MCIDAS: variants seen among roughly 807,000 people sequenced by gnomAD.
The protein encoded by MCIDAS is multiciliate differentiation and DNA synthesis associated cell cycle protein.
Under a neutral mutation model 35.4 loss-of-function variants are expected in MCIDAS, and 23 were observed. That is an observed-to-expected ratio of 0.65 (90% CI 0.47 to 0.92). MCIDAS has a LOEUF of 0.92. Among genes scored for constraint, MCIDAS ranks in the 40% least tolerant of loss-of-function variants. The probability of loss-of-function intolerance (pLI) is 0.00; values close to 1 mark genes in which losing one functional copy is unlikely to be tolerated. For missense variants in MCIDAS, 480 were observed against 531.8 expected (o/e 0.90, Z 0.96); for synonymous variants, 228 against 235.2 (o/e 0.97, Z 0.28).
chr5:55,222,159 C>G lies in MCIDAS; in HGVS notation c.606+17G>C. 6.5e-7 allele frequency: 1 copy of G among 1,533,454 alleles called. No individual in the cohort carries two copies. The highest frequency in any genetic ancestry group is 8.7e-7 in the Non-Finnish European group (1 of 1,146,174). 95.0% of individuals were successfully genotyped at this position (1,533,454 alleles called of 1,614,324 possible). A position where few individuals can be genotyped will look rare whatever the true frequency, so the allele number is the denominator to read the frequency against. On this transcript the variant is annotated intron_variant, in intron 5 of 6. Transcript: ENST00000513312. ...TCCCTGCCCCAGGATTCCTGGTCGCCAGACCAGTGTCCCTACTTGATTATT... is the reference window on the plus strand; with the variant it reads ...TCCCTGCCCCAGGATTCCTGGTCGCGAGACCAGTGTCCCTACTTGATTATT...
chr5:55,225,518 G>C (rs1341116558), intron 3 of MCIDAS, among the ~76,000 whole-genome samples: 2 of 152,186 alleles, frequency 1.3e-5, no homozygotes, highest in African/African-American at 4.8e-5. Flanking sequence ...CTGCAGTGCA[G>C]TGCCCACTCC....
chr5:55,222,163 C>T lies in MCIDAS; in HGVS notation c.606+13G>A. 1 of 1,534,076 alleles carries T rather than the reference C, an allele frequency of 6.5e-7. No homozygotes were observed. The highest frequency in any genetic ancestry group is 8.7e-7 in the Non-Finnish European group (1 of 1,146,698). The stretch of plus-strand genomic sequence containing the variant: ...TGCCCCAGGATTCCTGGTCGCCAGA[C>T]CAGTGTCCCTACTTGATTATTCTCA... On this transcript the variant is annotated intron_variant, in intron 5 of 6. Transcript: ENST00000513312.
At chr5:55,226,094 C>A (rs550395220) in intron 3 of MCIDAS, among the ~76,000 whole-genome samples, 1 of 152,326 alleles carries the variant, frequency 6.6e-6, no homozygotes, top group Admixed American at 6.5e-5. Flanking sequence ...CTTCTTCCAA[C>A]TGCAAATTCT....
chr5:55,221,184 A>G, intron 5 of MCIDAS, 58 bp from the exon 6 acceptor site: 1 of 1,275,060 alleles, frequency 7.8e-7, no homozygotes, highest in Non-Finnish European at 1.1e-6. Flanking sequence ...TCGTCTGCAT[A>G]TCTGGCATGA....
Position 55,226,769 on chromosome 5 carries a change from G to C in MCIDAS, c.217+66C>G, listed in dbSNP as rs1407339502. 2.1e-6 allele frequency: 3 copies of C among 1,397,628 alleles called. No individual in the cohort carries two copies. In the African/African-American group the frequency reaches 4.5e-5, roughly 21 times the overall value. 86.6% of individuals were successfully genotyped at this position (1,397,628 alleles called of 1,614,324 possible). On this transcript the variant is annotated intron_variant, in intron 2 of 6. Coordinates refer to ENST00000513312, the MANE Select transcript of MCIDAS (RefSeq NM_001190787.3). The stretch of plus-strand genomic sequence containing the variant: ...GCCCGGGGGAGAGAAGCTCCTCCGA[G>C]CTGTGCGCGCCGCACCCTCCCGGCG...
rs372938709 is a variant in MCIDAS, at chr5:55,223,378, G to T, written c.310-355C>A. 1.1e-4 allele frequency among the ~76,000 whole-genome samples: 16 copies of T among 152,340 alleles called. No homozygotes were observed. The highest frequency in any genetic ancestry group is 3.6e-4 in the African/African-American group (15 of 41,582). ...AGCACGACACTGACTGGGGGAAGGG[G>T]GCAGCAGTTCGCGGCTCCTGCAGAG... On this transcript the variant is annotated intron_variant, in intron 3 of 6. Transcript: ENST00000513312. This position sits in a 1 kb window ranked among gnomAD's most constrained non-coding sequence, Gnocchi z 4.4.
chr5:55,226,803 C>T, intron 2 of MCIDAS, 32 bp downstream of exon 2: 1 of 1,388,818 alleles, frequency 7.2e-7, no homozygotes, highest in South Asian at 1.6e-5. Flanking sequence ...CGCGGGGAAC[C>T]CGAGGGGTAG....
chr5:55,220,888 G>A (rs1338382251), intron 6 of MCIDAS, 82 bp from the exon 7 acceptor site: 2 of 1,459,450 alleles, frequency 1.4e-6, no homozygotes, highest in Non-Finnish European at 1.8e-6. Flanking sequence ...ACCTAGGCGC[G>A]CTACGCACCA....
chr5:55,224,172 T>C (rs1745414866), intron 3 of MCIDAS, among the ~76,000 whole-genome samples: 1 of 151,802 alleles, frequency 6.6e-6, no homozygotes, highest in African/African-American at 2.4e-5. Flanking sequence ...CTCTAGCTTT[T>C]CTCTCTTTTT....
intron 2 of MCIDAS, 45 bp from the exon 3 acceptor site, chr5:55,226,712 C>T (rs1561117319): frequency 7.0e-7 from 1 of 1,434,362 alleles, no homozygotes; most frequent in Non-Finnish European, 9.1e-7. Flanking sequence ...GGCCCTGAGC[C>T]TCTCCGCCAG....
Position 55,219,829 on chromosome 5 carries a change from C to T in MCIDAS, c.*537G>A, listed in dbSNP as rs1481333667. 6.6e-6 allele frequency: 1 copy of T among 152,198 alleles called. No individual in the cohort carries two copies. Among genetic ancestry groups the T allele is most frequent in the Non-Finnish European group, 1.5e-5 (1 of 68,094 alleles). 9.4% of individuals were successfully genotyped at this position (152,198 alleles called of 1,614,324 possible). ...ACCTCTCCCGATTTCGTATTCTGGC[C>T]ACCAAAATAAAAATTTTCAATAGTA... On this transcript the variant is annotated 3_prime_UTR_variant, in exon 7 of 7. Transcript: ENST00000513312.
Position 55,227,033 on chromosome 5 carries a change from TC to T in MCIDAS, c.105del (p.Lys36SerfsTer42). 1 of 1,519,664 alleles carries T rather than the reference TC, an allele frequency of 6.6e-7. No individual in the cohort carries two copies. Among genetic ancestry groups the T allele is most frequent in the Non-Finnish European group, 8.8e-7 (1 of 1,140,168 alleles). The allele number at this position is 1,519,664 out of a possible 1,614,324, so 94.1% of individuals were successfully genotyped here. A position where few individuals can be genotyped will look rare whatever the true frequency, so the allele number is the denominator to read the frequency against. Reference protein sequence around the residue: ...LPGRALLCKPGKPERKFAPPR... With the variant: ...LPGRALLCKPXKPERKFAPPR... ...AACCGCCCCACCTTCCTCTCCGGCT[TC>T]CCCGGCTTGCAGAGCAGCGCCCGGC... On this transcript the variant is annotated frameshift_variant, in exon 1 of 7. Transcript: ENST00000513312. LOFTEE classifies it high-confidence loss of function.
Position 55,220,686 on chromosome 5 carries a change from C to T in MCIDAS, c.838G>A (p.Val280Met). 1 of 1,536,112 alleles carries T rather than the reference C, an allele frequency of 6.5e-7. No homozygotes were observed. Among genetic ancestry groups the T allele is most frequent in the South Asian group, 1.2e-5 (1 of 84,064 alleles). ...GAAATCTCCCTCAGGATGGCGTCCA[C>T]TTCCGCGCAATCCTGCCCCGCAGCG... Reference protein sequence around the residue: ...VSAAGQDCAEVDAILREISER... With the variant: ...VSAAGQDCAEMDAILREISER... The change falls in exon 7 of 7, where the codon GTG (valine) becomes ATG (methionine). Residue 280 changes from valine to methionine, a missense_variant. Coordinates refer to ENST00000513312, the MANE Select transcript of MCIDAS (RefSeq NM_001190787.3).
At position 55,222,991 on chromosome 5, in the gene MCIDAS, A is replaced by G; in HGVS notation, c.342T>C (p.Asn114=). The G allele has an allele frequency of 6.5e-7, 1 of 1,536,138 alleles. No individual in the cohort carries two copies. The highest frequency in any genetic ancestry group is 8.7e-7 in the Non-Finnish European group (1 of 1,146,914). The part of the protein sequence containing the change: ...NHSHQTEADF[N]LQDFRDTVDD... The stretch of plus-strand genomic sequence containing the variant: ...CCACCGTGTCTCTGAAATCTTGCAG[A>G]TTGAAGTCTGCTTCCGTTTGGTGGG... The change falls in exon 4 of 7, where the codon AAT becomes AAC. Residue 114 remains asparagine (N), a synonymous_variant. Transcript: ENST00000513312.
In MCIDAS at chr5:55,221,068, A is replaced by G. The variant is rs1275664217; in HGVS notation, c.665T>C (p.Val222Ala). Reference sequence around the variant, plus strand: ...TCGGCTGGCGAGTTCCTTCAGCTGCACGTTCCGCTCCTTGAGCGAGGCGAT... The same window carrying G: ...TCGGCTGGCGAGTTCCTTCAGCTGCGCGTTCCGCTCCTTGAGCGAGGCGAT... The part of the protein sequence containing the change: ...EEIASLKERN[V>A]QLKELASRTR... The change falls in exon 6 of 7, where the codon GTG becomes GCG. Residue 222 changes from valine (V) to alanine (A), a missense_variant. Coordinates refer to ENST00000513312, the MANE Select transcript of MCIDAS (RefSeq NM_001190787.3). 6.5e-7 allele frequency: 1 copy of G among 1,536,062 alleles called. No individual in the cohort carries two copies. Among genetic ancestry groups the G allele is most frequent in the South Asian group, 1.2e-5 (1 of 84,060 alleles).
At position 55,220,551 on chromosome 5, in the gene MCIDAS, C is replaced by A; in HGVS notation, c.973G>T (p.Gly325Trp). ...CTCCGGCTGCAGTCTGTGCGCAGCCCCCGGAAGGCGCCATGCAGGTTCCCG... is the reference window on the plus strand; with the variant it reads ...CTCCGGCTGCAGTCTGTGCGCAGCCACCGGAAGGCGCCATGCAGGTTCCCG... ...RPGNLHGAFR[G>W]LRTDCSRSAL... Residue 325 changes from glycine to tryptophan, a missense_variant, in exon 7 of 7, where the codon GGG becomes TGG. Transcript: ENST00000513312. 1 of 1,536,008 alleles carries A rather than the reference C, an allele frequency of 6.5e-7. No individual in the cohort carries two copies. Among genetic ancestry groups the A allele is most frequent in the Non-Finnish European group, 8.7e-7 (1 of 1,146,862 alleles).
chr5:55,224,428 T>G (rs1337904692), intron 3 of MCIDAS, among the ~76,000 whole-genome samples: 2 of 152,146 alleles, frequency 1.3e-5, no homozygotes, highest in African/African-American at 2.4e-5. Context: ...CAGTTTTCCC[T>G]TGGGAGAAAA....
rs1745323367 is a variant in MCIDAS at position 55,220,152 on chromosome 5, G to C, written c.*214C>G. ...ACTTTTAAAATTGGCTGTGACATATGTGACATATACATATATAAACAGAGT... is the reference window on the plus strand; with the variant it reads ...ACTTTTAAAATTGGCTGTGACATATCTGACATATACATATATAAACAGAGT... On this transcript the variant is annotated 3_prime_UTR_variant, in exon 7 of 7. Transcript: ENST00000513312. The C allele has an allele frequency of 2.0e-6, 1 of 497,932 alleles. No individual in the cohort carries two copies. The highest frequency in any genetic ancestry group is 3.5e-6 in the Non-Finnish European group (1 of 287,036). The allele number at this position is 497,932 out of a possible 1,614,324, so 30.8% of individuals were successfully genotyped here. A position where few individuals can be genotyped will look rare whatever the true frequency, so the allele number is the denominator to read the frequency against.
chr5:55,226,956 C>G, intron 1 of MCIDAS, 25 bp from the exon 2 acceptor site: 1 of 1,483,536 alleles, frequency 6.7e-7, no homozygotes, highest in Non-Finnish European at 8.9e-7. Flanking sequence ...AAACGTTGAA[C>G]GCGGGTCAGC....
Sources: gnomAD v4.1 joint callset for allele counts (sites outside exome capture counted in the v4.1 genomes callset) on GRCh38, gnomAD v4.1.1 for gene constraint, Gnocchi (gnomAD v3.1) non-coding constraint, MANE v1.5 for transcripts, NCBI Gene and HGNC (gene_info 2026-07-23, HGNC 2026-07-21) for gene names.